The following TCF4 variants were observed in gnomAD, a reference collection of about 807,000 sequenced individuals.
The protein encoded by TCF4 is transcription factor 4.
In TCF4, 3 loss-of-function variants were observed where a neutral mutation model predicts 82.1. The ratio of observed to expected loss-of-function variants is 0.04; its 90% CI spans 0.02 to 0.09. The LOEUF (loss-of-function observed/expected upper bound fraction) is 0.09. Among genes scored for constraint, TCF4 ranks in the 10% least tolerant of loss-of-function variants. TCF4 has a pLI of 1.00. For missense variants in TCF4, 518 were observed against 852.7 expected, an observed-to-expected ratio of 0.61 and a Z score of 4.89; for synonymous variants, 276 against 309.6, an observed-to-expected ratio of 0.89 and a Z score of 1.14.
intron 8 of TCF4, among the ~76,000 whole-genome samples, chr18:55,334,457 A>C (rs928566721): frequency 2.0e-5 from 3 of 152,142 alleles, no homozygotes; most frequent in African/African-American, 7.2e-5. Flanking sequence ...GATAAAAATG[A>C]ACCTTAATTT....
chr18:55,573,520 T>C (rs983784315), intron 3 of TCF4, among the ~76,000 whole-genome samples: 7 of 152,108 alleles, frequency 4.6e-5, no homozygotes, highest in Non-Finnish European at 8.8e-5. Flanking sequence ...CAAATCTGAT[T>C]AGCAGCACAC....
At chr18:55,444,870 G>A (rs1242523358) in intron 5 of TCF4, among the ~76,000 whole-genome samples, 1 of 151,906 alleles carries the variant, frequency 6.6e-6, no homozygotes, top group East Asian at 1.9e-4. Flanking sequence ...TTAACAAATG[G>A]CACTGCCAAC....
intron 5 of TCF4, among the ~76,000 whole-genome samples, chr18:55,435,775 G>T (rs1375577998): frequency 2.0e-5 from 3 of 152,166 alleles, no homozygotes; most frequent in Non-Finnish European, 4.4e-5. Context: ...TGATCACTCA[G>T]ATCTGAACTT....
chr18:55,488,094 A>C (rs1420017089), intron 3 of TCF4, among the ~76,000 whole-genome samples: 1 of 152,248 alleles, frequency 6.6e-6, no homozygotes, highest in Non-Finnish European at 1.5e-5. Flanking sequence ...ACTGGCATAA[A>C]CAAACAAAAC....
chr18:55,575,623 C>A (rs1163717083), intron 3 of TCF4, among the ~76,000 whole-genome samples: 1 of 151,832 alleles, frequency 6.6e-6, no homozygotes, highest in South Asian at 2.1e-4. Context: ...TTAATAAATT[C>A]TTCCTAAGCC....
intron 3 of TCF4, among the ~76,000 whole-genome samples, chr18:55,488,972 T>C (rs1213223197): frequency 1.3e-5 from 2 of 152,208 alleles, no homozygotes; most frequent in African/African-American, 2.4e-5. Flanking sequence ...TCCTGTCACC[T>C]AGAATCTCTG....
intron 5 of TCF4, among the ~76,000 whole-genome samples, chr18:55,416,798 A>G (rs2094540653): frequency 6.6e-6 from 1 of 152,238 alleles, no homozygotes; most frequent in Non-Finnish European, 1.5e-5. Flanking sequence ...TGACTTTGAC[A>G]TGCAGCCTGC....
At position 55,627,918 on chromosome 18, in the gene TCF4, G is replaced by A. The variant is rs527832244; in HGVS notation, c.286+3380C>T. 4.6e-5 allele frequency among the ~76,000 whole-genome samples: 7 copies of A among 152,200 alleles called. No individual in the cohort carries two copies. The South Asian group carries it at 1.5e-3, about 32-fold the overall frequency. ...TACTAAAAATACAAAAAATTAGCAG[G>A]GCGTGGTGGCAGGCGCCTGTAGTCC... On this transcript the variant is annotated intron_variant, in intron 2 of 20. Transcript: ENST00000398339.
At chr18:55,542,526 T>A (rs1337722127) in intron 3 of TCF4, among the ~76,000 whole-genome samples, 1 of 151,968 alleles carries the variant, frequency 6.6e-6, no homozygotes, top group African/African-American at 2.4e-5. Flanking sequence ...GATGAAAAAC[T>A]TTGCAAAATA....
At chr18:55,609,642 G>C (rs1223940159) in intron 2 of TCF4, among the ~76,000 whole-genome samples, 2 of 152,154 alleles carry the variant, frequency 1.3e-5, no homozygotes, top group Non-Finnish European at 2.9e-5. Context: ...ATCATGACAT[G>C]AACATGTCAT....
chr18:55,591,621 G>A (rs1487827662), upstream of TCF4, among the ~76,000 whole-genome samples: 7 of 152,240 alleles, frequency 4.6e-5, no homozygotes, highest in South Asian at 4.1e-4. Context: ...AGGTTCAAGC[G>A]ATTCTCCTGC....
intron 15 of TCF4, among the ~76,000 whole-genome samples, chr18:55,253,347 C>G (rs2055824389): frequency 6.6e-6 from 1 of 152,080 alleles, no homozygotes; most frequent in Admixed American, 6.6e-5. Flanking sequence ...GAAAATATAC[C>G]TTCATCCAAG....
intron 15 of TCF4, among the ~76,000 whole-genome samples, chr18:55,239,057 A>G (rs2050399502): frequency 6.6e-6 from 1 of 152,186 alleles, no homozygotes; most frequent in South Asian, 2.1e-4. Context: ...TCTGAGTTAC[A>G]TTGTATCTTA....
chr18:55,387,763 T>C (rs1451086550), intron 6 of TCF4, among the ~76,000 whole-genome samples: 1 of 152,186 alleles, frequency 6.6e-6, no homozygotes, highest in Non-Finnish European at 1.5e-5. Flanking sequence ...TATGATTCAA[T>C]GGTAGCTTAA....
chr18:55,419,570 GA>G (rs933409576), intron 5 of TCF4, among the ~76,000 whole-genome samples: 4 of 152,136 alleles, frequency 2.6e-5, no homozygotes, highest in Non-Finnish European at 5.9e-5. Flanking sequence ...ACAGATTCCA[GA>G]GTGACCCCTG....
At chr18:55,298,740 C>T (rs2067245707) in intron 8 of TCF4, among the ~76,000 whole-genome samples, 1 of 152,170 alleles carries the variant, frequency 6.6e-6, no homozygotes, top group Non-Finnish European at 1.5e-5. Flanking sequence ...TCAAACGTAT[C>T]TCTGAAAACA....
At chr18:55,282,482 T>G (rs1253451441) in intron 8 of TCF4, among the ~76,000 whole-genome samples, 2 of 152,104 alleles carry the variant, frequency 1.3e-5, no homozygotes, top group East Asian at 3.9e-4. Context: ...CAGTCAACTC[T>G]TTTGCCAATT....
intron 3 of TCF4, among the ~76,000 whole-genome samples, chr18:55,498,421 C>A (rs915170894): frequency 6.6e-6 from 1 of 152,212 alleles, no homozygotes; most frequent in Non-Finnish European, 1.5e-5. Context: ...AGTCCTAACA[C>A]CTGCCAGTGT....
At chr18:55,466,287 G>C (rs1442557986) in intron 3 of TCF4, among the ~76,000 whole-genome samples, 2 of 152,158 alleles carry the variant, frequency 1.3e-5, no homozygotes, top group Admixed American at 6.5e-5. Flanking sequence ...CTTGAGGCCA[G>C]GAGTTTGAGA....
Sources: gnomAD v4.1 joint callset for allele counts (sites outside exome capture counted in the v4.1 genomes callset) on GRCh38, gnomAD v4.1.1 for gene constraint, MANE v1.5 for transcripts, NCBI Gene and HGNC (gene_info 2026-07-23, HGNC 2026-07-21) for gene names.